The following MSRB3 variants were observed in gnomAD, a reference collection of about 807,000 sequenced individuals.
MSRB3 encodes methionine-R-sulfoxide reductase B3.
Under a neutral mutation model 21.0 loss-of-function variants are expected in MSRB3, and 13 were observed. That is an observed-to-expected ratio of 0.62 (90% CI 0.40 to 0.98). MSRB3 has a LOEUF of 0.98. Among genes scored for constraint, MSRB3 ranks in the 50% least tolerant of loss-of-function variants. The probability of loss-of-function intolerance (pLI) is 0.00; values close to 1 mark genes in which losing one functional copy is unlikely to be tolerated. For synonymous variants in MSRB3, 87 were observed against 88.6 expected, an observed-to-expected ratio of 0.98 and a Z score of 0.10; for missense variants, 199 against 230.3, an observed-to-expected ratio of 0.86 and a Z score of 0.88.
At chr12:65,451,456 GA>G (rs539367247) in intron 5 of MSRB3, among the ~76,000 whole-genome samples, 2 of 152,154 alleles carry the variant, frequency 1.3e-5, no homozygotes, top group African/African-American at 2.4e-5. Context: ...AATTCAGGTA[GA>G]AAAAAATTGA....
rs1241262297 is a variant in MSRB3 at position 65,328,509 on chromosome 12, ATC to A, written c.186-15_186-14del. On this transcript the variant is annotated splice_polypyrimidine_tract_variant and intron_variant, in intron 3 of 6. Transcript: ENST00000308259. ...AATGCTAACTTTAATTTTTTAAATG[ATC>A]TGTTTATTTATCAGTGCCTTTGAAG... 3.2e-6 allele frequency: 5 copies of A among 1,543,376 alleles called. No homozygotes were observed. The highest frequency in any genetic ancestry group is 3.6e-6 in the Non-Finnish European group (4 of 1,116,292).
intron 5 of MSRB3, among the ~76,000 whole-genome samples, chr12:65,397,832 C>G (rs550007983): frequency 6.6e-6 from 1 of 152,260 alleles, no homozygotes; most frequent in Non-Finnish European, 1.5e-5. Flanking sequence ...TTGTTCAACT[C>G]CCACTTATGA....
At chr12:65,322,507 T>C (rs906325029) in intron 2 of MSRB3, among the ~76,000 whole-genome samples, 2 of 151,378 alleles carry the variant, frequency 1.3e-5, no homozygotes, top group East Asian at 3.9e-4. Flanking sequence ...ATACAAAAAT[T>C]ACCCGGGTGT....
chr12:65,425,894 T>A (rs1881574942), intron 5 of MSRB3, among the ~76,000 whole-genome samples: 1 of 152,210 alleles, frequency 6.6e-6, no homozygotes, highest in African/African-American at 2.4e-5. Context: ...TCTTGCTCTG[T>A]TGCCCAGGCT....
chr12:65,369,810 A>G (rs553301584), intron 5 of MSRB3, among the ~76,000 whole-genome samples: 2 of 152,280 alleles, frequency 1.3e-5, no homozygotes, highest in Non-Finnish European at 2.9e-5. Flanking sequence ...CCAGGAGAAA[A>G]TAATTTACAG....
chr12:65,383,869 G>C (rs1325692613), intron 5 of MSRB3, among the ~76,000 whole-genome samples: 1 of 152,114 alleles, frequency 6.6e-6, no homozygotes, highest in Non-Finnish European at 1.5e-5. Context: ...ATGTTGGCCA[G>C]GCTGGTCTCG....
At chr12:65,453,894 C>G (rs1028956043) in intron 6 of MSRB3, 69 bp downstream of exon 6, 11 of 1,273,434 alleles carry the variant, frequency 8.6e-6, no homozygotes, top group Non-Finnish European at 1.3e-5. Flanking sequence ...AATATAGCAA[C>G]TAAGGCCAAG....
chr12:65,364,814 A>G (rs1877913428), intron 4 of MSRB3, among the ~76,000 whole-genome samples: 1 of 152,194 alleles, frequency 6.6e-6, no homozygotes, highest in Non-Finnish European at 1.5e-5. Flanking sequence ...ACTTAAAACA[A>G]CAAAGGACCA....
intron 1 of MSRB3, among the ~76,000 whole-genome samples, chr12:65,291,451 C>G (rs1425829203): frequency 2.6e-5 from 4 of 151,362 alleles, no homozygotes; most frequent in African/African-American, 9.7e-5. Flanking sequence ...TTCCTAATAT[C>G]CCTTATTTAA....
intron 4 of MSRB3, among the ~76,000 whole-genome samples, chr12:65,344,444 T>G (rs1876352560): frequency 1.3e-5 from 2 of 151,888 alleles, no homozygotes; most frequent in African/African-American, 4.8e-5. Flanking sequence ...CAATGGATAA[T>G]TGATAGTTTT....
intron 5 of MSRB3, among the ~76,000 whole-genome samples, chr12:65,415,905 A>C (rs141532992): frequency 6.6e-6 from 1 of 152,134 alleles, no homozygotes; most frequent in Non-Finnish European, 1.5e-5. Context: ...GTGGTTTGCA[A>C]ACTCTAAGAC....
intron 5 of MSRB3, chr12:65,419,581 T>C (rs1225287382): frequency 1.4e-6 from 1 of 730,536 alleles, no homozygotes; most frequent in African/African-American, 1.7e-5. Flanking sequence ...AATGTGGACA[T>C]TGTCCACAGT....
intron 4 of MSRB3, among the ~76,000 whole-genome samples, chr12:65,365,043 G>A (rs1186187176): frequency 6.7e-6 from 1 of 149,902 alleles, no homozygotes; most frequent in African/African-American, 2.4e-5. Flanking sequence ...GAGAAGATAA[G>A]ATAATCTGAG....
intron 5 of MSRB3, among the ~76,000 whole-genome samples, chr12:65,405,309 G>C (rs1318768327): frequency 6.6e-6 from 1 of 152,008 alleles, no homozygotes; most frequent in African/African-American, 2.4e-5. Context: ...AGATCATGCA[G>C]TATTTGTCTT....
At chr12:65,372,115 T>A (rs1878362190) in intron 5 of MSRB3, among the ~76,000 whole-genome samples, 1 of 152,316 alleles carries the variant, frequency 6.6e-6, no homozygotes, top group African/African-American at 2.4e-5. Context: ...TTAAAAGGCG[T>A]TAAAGTTTTG....
chr12:65,395,485 G>C (rs1383937256), intron 5 of MSRB3, among the ~76,000 whole-genome samples: 2 of 151,800 alleles, frequency 1.3e-5, no homozygotes, highest in South Asian at 4.2e-4. Context: ...AAATCCTAAG[G>C]AATCCAGCTT....
intron 5 of MSRB3, among the ~76,000 whole-genome samples, chr12:65,432,456 T>C (rs1291541761): frequency 6.6e-6 from 1 of 152,026 alleles, no homozygotes; most frequent in Non-Finnish European, 1.5e-5. Flanking sequence ...AATGGGGATT[T>C]AGAGATATAT....
chr12:65,422,997 T>C (rs1292294104), intron 5 of MSRB3, among the ~76,000 whole-genome samples: 22 of 148,472 alleles, frequency 1.5e-4, no homozygotes, highest in Non-Finnish European at 6.0e-5. Flanking sequence ...AGTCTCACTC[T>C]TGTTGCCCAG....
At chr12:65,432,629 C>T (rs964009822) in intron 5 of MSRB3, among the ~76,000 whole-genome samples, 11 of 151,910 alleles carry the variant, frequency 7.2e-5, no homozygotes, top group African/African-American at 2.4e-4. Context: ...CCCCATCCCC[C>T]GCCATCCCCA....
Sources: allele counts gnomAD v4.1 joint callset (sites outside exome capture counted in the v4.1 genomes callset), GRCh38; gene constraint gnomAD v4.1.1; transcripts MANE v1.5; gene names NCBI Gene and HGNC (gene_info 2026-07-23, HGNC 2026-07-21).